EEA1: variants seen among roughly 807,000 people sequenced by gnomAD.
EEA1 encodes early endosome antigen 1, 162kD.
EEA1 carries 111 observed loss-of-function variants against 209.2 expected under a neutral mutation model. The observed-to-expected ratio is 0.53, with a 90% CI of 0.45 to 0.62. EEA1 has a LOEUF of 0.62. Ranked by LOEUF, EEA1 falls within the 20% of genes least tolerant of loss-of-function variation. The probability of loss-of-function intolerance (pLI) is 0.00; values close to 1 mark genes in which losing one functional copy is unlikely to be tolerated. For missense variants in EEA1, 1,343 were observed against 1,530.8 expected (o/e 0.88, Z 2.05); for synonymous variants, 536 against 540.6 (o/e 0.99, Z 0.12).
At position 92,798,345 on chromosome 12, in the gene EEA1, A is replaced by ATTTT. The variant is rs202235633; in HGVS notation, c.2967+546_2967+547insAAAA. ...TTTCCTTAAGTGTTACATTATTATT[A>ATTTT]TTATTATTTTTTTTTGAGACAGAGT... On this transcript the variant is annotated intron_variant, in intron 21 of 28. Transcript: ENST00000322349. Among the ~76,000 whole-genome samples the ATTTT allele has an allele frequency of 3.3e-5, 5 of 149,488 alleles. 1 individual carries two copies. The highest frequency in any genetic ancestry group is 4.5e-5 in the Non-Finnish European group (3 of 67,244).
intron 1 of EEA1, among the ~76,000 whole-genome samples, chr12:92,910,433 C>T (rs1157228218): frequency 6.6e-6 from 1 of 150,882 alleles, no homozygotes; most frequent in Admixed American, 6.6e-5. Flanking sequence ...CATGCCACTG[C>T]ACTACAGCCT....
chr12:92,925,180 T>TTAA (rs1411612101), intron 1 of EEA1, among the ~76,000 whole-genome samples: 1 of 96,240 alleles, frequency 1.0e-5, no homozygotes, highest in African/African-American at 5.6e-5. Context: ...AAAAGATGTC[T>TTAA]CAAAAAAAAA....
intron 21 of EEA1, among the ~76,000 whole-genome samples, chr12:92,797,267 T>C (rs956019893): frequency 1.3e-5 from 2 of 152,158 alleles, no homozygotes; most frequent in Middle Eastern, 3.2e-3. Context: ...TTTGTATTTT[T>C]AGTAGAGACA....
At chr12:92,822,696 T>C (rs187680285) in intron 13 of EEA1, among the ~76,000 whole-genome samples, 24 of 152,338 alleles carry the variant, frequency 1.6e-4, no homozygotes, top group Admixed American at 2.6e-4. Flanking sequence ...CCTATTTTTC[T>C]CACTATGCTC....
At chr12:92,834,919 G>A (rs1358582576) in intron 10 of EEA1, among the ~76,000 whole-genome samples, 7 of 148,590 alleles carry the variant, frequency 4.7e-5, no homozygotes, top group Non-Finnish European at 8.9e-5. Context: ...TCACTCTGTC[G>A]CCCAGACTGG....
chr12:92,883,835 T>C lies in EEA1; in HGVS notation c.117+7794A>G. 3.1e-6 allele frequency: 5 copies of C among 1,595,072 alleles called. No homozygotes were observed. The Admixed American group carries it at 8.3e-5, about 27-fold the overall frequency. On this transcript the variant is annotated intron_variant, in intron 2 of 28. Transcript: ENST00000322349. The stretch of plus-strand genomic sequence containing the variant: ...CTGAGGAAGCTCTTCATTGGAGGGT[T>C]GAGCTTTAAAACAACCGATGAGAGC...
intron 20 of EEA1, among the ~76,000 whole-genome samples, chr12:92,799,612 C>T (rs992908406): frequency 1.3e-5 from 2 of 151,670 alleles, no homozygotes; most frequent in Non-Finnish European, 2.9e-5. Flanking sequence ...CAGTGAAACC[C>T]CATCTCTACT....
chr12:92,801,130 T>C (rs1462952285), intron 20 of EEA1, among the ~76,000 whole-genome samples: 3 of 152,184 alleles, frequency 2.0e-5, no homozygotes, highest in Non-Finnish European at 2.9e-5. Context: ...AAAAATATTT[T>C]GGTTGTTCTA....
At chr12:92,913,013 GCTGT>G (rs1880633524) in intron 1 of EEA1, among the ~76,000 whole-genome samples, 1 of 152,210 alleles carries the variant, frequency 6.6e-6, no homozygotes, top group African/African-American at 2.4e-5. Context: ...GCCATGTGCA[GCTGT>G]CTTTTTTATA....
chr12:92,832,616 C>A lies in EEA1; in HGVS notation c.1150G>T (p.Val384Leu). ...TQKLKEELSE[V>L]ETKYQHLKAE... ...TTTAGATGCTGGTACTTGGTCTCTA[C>A]CTCAGATAATTCTTCTTTGAGCTTT... Residue 384 changes from valine to leucine, a missense_variant, in exon 11 of 29, where the codon GTA becomes TTA. Val to Leu is a conservative substitution (Grantham distance 32, BLOSUM62 1). Coordinates refer to ENST00000322349, the MANE Select transcript of EEA1 (RefSeq NM_003566.4). 1.2e-6 allele frequency: 2 copies of A among 1,614,036 alleles called. No homozygotes were observed. Among genetic ancestry groups the A allele is most frequent in the Non-Finnish European group, 1.7e-6 (2 of 1,179,986 alleles).
intron 1 of EEA1, among the ~76,000 whole-genome samples, chr12:92,924,912 T>C (rs12311717): frequency 1.4e-3 from 212 of 149,808 alleles, no homozygotes; most frequent in African/African-American, 5.0e-3. Context: ...TTTTTAAAAT[T>C]CACTTCAATA....
At chr12:92,777,005 T>G in intron 27 of EEA1, 63 bp from the exon 28 acceptor site, 1 of 1,534,190 alleles carries the variant, frequency 6.5e-7, no homozygotes, top group Non-Finnish European at 8.9e-7. Context: ...GCTAGATTAT[T>G]TCTAACTTGC....
chr12:92,787,753 G>GCA, intron 22 of EEA1, 114 bp downstream of exon 22: 1 of 842,430 alleles, frequency 1.2e-6, no homozygotes, highest in East Asian at 3.1e-5. Flanking sequence ...ATAGAAAACA[G>GCA]CACACTATTC....
intron 2 of EEA1, among the ~76,000 whole-genome samples, chr12:92,882,471 G>A (rs1196288846): frequency 6.6e-6 from 1 of 151,084 alleles, no homozygotes; most frequent in African/African-American, 2.4e-5. Context: ...TGTTACCTGG[G>A]TATATTGCAT....
intron 2 of EEA1, among the ~76,000 whole-genome samples, chr12:92,888,737 T>C (rs541957340): frequency 2.0e-5 from 3 of 152,094 alleles, no homozygotes; most frequent in African/African-American, 7.2e-5. Context: ...GAAAATAAGA[T>C]AAATCTAAAC....
At chr12:92,880,225 C>T (rs12307090) in intron 2 of EEA1, among the ~76,000 whole-genome samples, 14,047 of 152,242 alleles carry the variant, frequency 0.092, 769 homozygotes, top group South Asian at 0.19. Context: ...AAATAGGAGG[C>T]AATGAAAACA....
At chr12:92,875,610 C>T (rs1314955045) in intron 2 of EEA1, among the ~76,000 whole-genome samples, 1 of 152,142 alleles carries the variant, frequency 6.6e-6, no homozygotes, top group African/African-American at 2.4e-5. Flanking sequence ...CCTACCCTCA[C>T]CCCACTAACA....
At chr12:92,886,072 T>C (rs554433353) in intron 2 of EEA1, among the ~76,000 whole-genome samples, 32 of 151,848 alleles carry the variant, frequency 2.1e-4, no homozygotes, top group African/African-American at 7.5e-4. Flanking sequence ...AATACTATAA[T>C]GCTATAAACA....
At chr12:92,868,637 C>G (rs750941412) in intron 2 of EEA1, among the ~76,000 whole-genome samples, 2 of 152,146 alleles carry the variant, frequency 1.3e-5, no homozygotes, top group Non-Finnish European at 2.9e-5. Flanking sequence ...TGAGAAATTT[C>G]AGAAATCAGT....
Sources: gnomAD v4.1 joint callset for allele counts (sites outside exome capture counted in the v4.1 genomes callset) on GRCh38, gnomAD v4.1.1 for gene constraint, MANE v1.5 for transcripts, NCBI Gene and HGNC (gene_info 2026-07-23, HGNC 2026-07-21) for gene names.